The following PCDH15 variants were observed in gnomAD, a reference collection of about 807,000 sequenced individuals.
PCDH15 encodes protocadherin-15.
Under a neutral mutation model 178.5 loss-of-function variants are expected in PCDH15, and 129 were observed. That is an observed-to-expected ratio of 0.72 (90% confidence interval 0.63 to 0.84). PCDH15 has a LOEUF of 0.84. PCDH15 is among the 40% of genes least tolerant of loss of function. PCDH15 has a pLI of 0.00. For synonymous variants in PCDH15, 800 were observed against 732.0 expected (o/e 1.09, Z -1.50); for missense variants, 2,230 against 2,099.9 (o/e 1.06, Z -1.21).
At chr10:53,889,861 G>A (rs1347435545) in intron 26 of PCDH15, among the ~76,000 whole-genome samples, 1 of 152,110 alleles carries the variant, frequency 6.6e-6, no homozygotes, top group East Asian at 1.9e-4. Flanking sequence ...AATATAGTGT[G>A]AGAAAATGAA....
At chr10:55,119,641 G>A (rs972767262) in intron 2 of PCDH15, among the ~76,000 whole-genome samples, 3 of 152,122 alleles carry the variant, frequency 2.0e-5, no homozygotes, top group Non-Finnish European at 2.9e-5. Flanking sequence ...TCTGCCCTCT[G>A]ACAGGAATTG....
At chr10:54,120,709 A>C (rs1001699765) in intron 15 of PCDH15, among the ~76,000 whole-genome samples, 1 of 152,346 alleles carries the variant, frequency 6.6e-6, no homozygotes, top group South Asian at 2.1e-4. Context: ...AAGGAACTAC[A>C]TAATGATAAA....
At chr10:54,124,511 GAT>G (rs2041826785) in intron 15 of PCDH15, among the ~76,000 whole-genome samples, 1 of 152,106 alleles carries the variant, frequency 6.6e-6, no homozygotes, top group Non-Finnish European at 1.5e-5. Flanking sequence ...AATAATAAAA[GAT>G]ATGTAGGAAT....
In PCDH15 at chr10:54,739,194, G is replaced by A. The variant is rs190492553; in HGVS notation, c.-29+61731C>T. On this transcript the variant is annotated intron_variant, in intron 1 of 37. Coordinates refer to ENST00000644397, the MANE Select transcript of PCDH15 (RefSeq NM_001384140.1). Reference sequence around the variant, plus strand: ...AAACCTAAGGATTCCACTAGAAACCGTTAGAACTGATCCATGAATTCAGTA... The same window carrying A: ...AAACCTAAGGATTCCACTAGAAACCATTAGAACTGATCCATGAATTCAGTA... 7.9e-4 allele frequency among the ~76,000 whole-genome samples: 119 copies of A among 151,586 alleles called. 1 individual carries two copies. The highest frequency in any genetic ancestry group is 6.8e-3 in the Middle Eastern group (2 of 292).
intron 1 of PCDH15, among the ~76,000 whole-genome samples, chr10:55,307,809 A>T (rs1055396196): frequency 6.6e-6 from 1 of 152,004 alleles, no homozygotes; most frequent in Non-Finnish European, 1.5e-5. Flanking sequence ...ATAATTTTAG[A>T]TGCCTATCCT....
At chr10:53,919,832 C>T (rs893622455) in intron 25 of PCDH15, among the ~76,000 whole-genome samples, 6 of 151,922 alleles carry the variant, frequency 3.9e-5, no homozygotes, top group African/African-American at 1.5e-4. Context: ...TGCCTAGGAC[C>T]ACAAGAAAAA....
intron 21 of PCDH15, among the ~76,000 whole-genome samples, chr10:53,981,886 T>C (rs1332561839): frequency 4.7e-5 from 7 of 149,752 alleles, no homozygotes; most frequent in Non-Finnish European, 9.0e-5. Flanking sequence ...ACAGGCAACC[T>C]ACAAAATGGG....
At position 55,176,325 on chromosome 10, in the gene PCDH15, G is replaced by A. The variant is rs114070646; in HGVS notation, c.-155-9674C>T. ...GAAAACTTAACTCCTCAGCTAGGCA[G>A]GGATATTTTAGCTCCTATGGGAACC... is the stretch of plus-strand genomic sequence containing the variant. On this transcript the variant is annotated intron_variant, in intron 1 of 5. Coordinates refer to the PCDH15 transcript ENST00000458638. Among the ~76,000 whole-genome samples the A allele has an allele frequency of 7.7e-3, 1,172 of 152,170 alleles. 19 individuals are homozygous for A. Among genetic ancestry groups the A allele is most frequent in the African/African-American group, 0.027 (1,103 of 41,524 alleles).
At chr10:54,225,948 A>G (rs2053394219) in intron 9 of PCDH15, among the ~76,000 whole-genome samples, 1 of 152,232 alleles carries the variant, frequency 6.6e-6, no homozygotes, top group African/African-American at 2.4e-5. Context: ...AGGGATAAGC[A>G]GCAGTGTATT....
chr10:55,465,789 T>C (rs1005887571), intron 2 of PCDH15, among the ~76,000 whole-genome samples: 1 of 152,152 alleles, frequency 6.6e-6, no homozygotes, highest in Non-Finnish European at 1.5e-5. Flanking sequence ...TTACCTAATA[T>C]AGAGAACAGT....
chr10:53,810,533 C>T (rs1283784634), intron 37 of PCDH15, 23 bp downstream of exon 37: 2 of 1,586,900 alleles, frequency 1.3e-6, no homozygotes, highest in South Asian at 1.1e-5. Context: ...TATTATCTTA[C>T]ATAATAAAAT....
At chr10:53,814,491 G>A (rs2075989128) in intron 35 of PCDH15, among the ~76,000 whole-genome samples, 1 of 152,046 alleles carries the variant, frequency 6.6e-6, no homozygotes, top group Non-Finnish European at 1.5e-5. Context: ...AGTATAGAAG[G>A]GATGCGGATA....
At chr10:54,030,222 A>G (rs1457696468) in intron 18 of PCDH15, among the ~76,000 whole-genome samples, 1 of 152,054 alleles carries the variant, frequency 6.6e-6, no homozygotes, top group Non-Finnish European at 1.5e-5. Flanking sequence ...GCGATTTAAG[A>G]GGTCGTGTAC....
intron 2 of PCDH15, among the ~76,000 whole-genome samples, chr10:54,967,563 C>G (rs1340603379): frequency 6.6e-6 from 1 of 152,024 alleles, no homozygotes; most frequent in Non-Finnish European, 1.5e-5. Flanking sequence ...TAGAAATATC[C>G]AGCTCATATA....
intron 2 of PCDH15, among the ~76,000 whole-genome samples, chr10:55,612,991 C>A (rs1369162425): frequency 2.0e-5 from 3 of 150,326 alleles, no homozygotes; most frequent in Admixed American, 2.0e-4. Context: ...AAAGTTGAGA[C>A]TCTCCAATAC....
At chr10:54,226,209 G>C (rs114173129) in intron 9 of PCDH15, among the ~76,000 whole-genome samples, 2,188 of 152,284 alleles carry the variant, frequency 0.014, 33 homozygotes, top group African/African-American at 0.045. Flanking sequence ...CATGGTGGAA[G>C]GCAAGGAAAA....
intron 25 of PCDH15, among the ~76,000 whole-genome samples, chr10:53,920,338 T>C (rs1034502021): frequency 6.6e-6 from 1 of 152,078 alleles, no homozygotes; most frequent in African/African-American, 2.4e-5. Context: ...TTCAAAACAT[T>C]TGCATCTTTT....
In PCDH15 at chr10:55,464,075, G is replaced by GAA. The variant is rs1565166266; in HGVS notation, c.-156+163549_-156+163550insTT. Reference sequence around the variant, plus strand: ...AAAGAAAGAAAGAAAAGGAAAGAAAGGGAAAGAAGAAAAGAAAAGGAGTAC... The same window carrying GAA: ...AAAGAAAGAAAGAAAAGGAAAGAAAGAAGGAAAGAAGAAAAGAAAAGGAGTAC... On this transcript the variant is annotated intron_variant, in intron 2 of 5. Transcript: ENST00000613346. Among the ~76,000 whole-genome samples the GAA allele has an allele frequency of 3.6e-5, 4 of 111,924 alleles. 1 individual carries two copies. Among genetic ancestry groups the GAA allele is most frequent in the African/African-American group, 1.3e-4 (4 of 31,578 alleles). The allele number at this position is 111,924 out of a possible 152,430, so 73.4% of individuals were successfully genotyped here. A position where few individuals can be genotyped will look rare whatever the true frequency, so the allele number is the denominator to read the frequency against.
chr10:55,296,085 C>T (rs1237180720), intron 1 of PCDH15, among the ~76,000 whole-genome samples: 1 of 151,992 alleles, frequency 6.6e-6, no homozygotes, highest in Non-Finnish European at 1.5e-5. Flanking sequence ...GGATACAACT[C>T]AGAAAAAAAT....
Sources: gnomAD v4.1 joint callset for allele counts (sites outside exome capture counted in the v4.1 genomes callset) on GRCh38, gnomAD v4.1.1 for gene constraint, MANE v1.5 for transcripts, NCBI Gene and HGNC (gene_info 2026-07-23, HGNC 2026-07-21) for gene names.